Variants in CSMD1 observed in about 807,000 individuals in gnomAD.
The protein encoded by CSMD1 is CUB and sushi domain-containing protein 1.
In CSMD1, 213 loss-of-function variants were observed where a neutral mutation model predicts 417.5. That is an observed-to-expected ratio of 0.51 (90% confidence interval 0.46 to 0.57). The LOEUF (loss-of-function observed/expected upper bound fraction) is 0.57, where lower values mean the gene tolerates loss of function less well. Ranked by LOEUF, CSMD1 falls within the 20% of genes least tolerant of loss-of-function variation. The probability of loss-of-function intolerance (pLI) is 0.00; values close to 1 mark genes in which losing one functional copy is unlikely to be tolerated. For synonymous variants in CSMD1, 2,862 were observed against 1,736.8 expected, an observed-to-expected ratio of 1.65 and a Z score of -16.11; for missense variants, 6,923 against 4,529.7, an observed-to-expected ratio of 1.53 and a Z score of -15.17.
intron 6 of CSMD1, among the ~76,000 whole-genome samples, chr8:3,714,614 G>A (rs935610644): frequency 6.7e-6 from 1 of 148,872 alleles, no homozygotes; most frequent in Non-Finnish European, 1.5e-5. Flanking sequence ...GCGGGCGACT[G>A]TAGTCCCAGC....
chr8:4,438,640 G>A (rs752381425), intron 2 of CSMD1, among the ~76,000 whole-genome samples: 1 of 152,160 alleles, frequency 6.6e-6, no homozygotes, highest in African/African-American at 2.4e-5. Flanking sequence ...TTATCCCATG[G>A]AGTAGTATTT....
chr8:3,856,124 CGG>C (rs1804293065), intron 5 of CSMD1, among the ~76,000 whole-genome samples: 1 of 151,946 alleles, frequency 6.6e-6, no homozygotes, highest in African/African-American at 2.4e-5. Flanking sequence ...GTGCTGGAGA[CGG>C]GGCTTGGTGG....
At chr8:4,694,176 C>G (rs1414744680) in intron 1 of CSMD1, among the ~76,000 whole-genome samples, 1 of 152,152 alleles carries the variant, frequency 6.6e-6, no homozygotes, top group African/African-American at 2.4e-5. Flanking sequence ...TCAAAGCCTT[C>G]CTTCTGCTCT....
At chr8:4,889,748 A>G (rs1042815950) in intron 1 of CSMD1, among the ~76,000 whole-genome samples, 12 of 152,258 alleles carry the variant, frequency 7.9e-5, no homozygotes, top group Non-Finnish European at 1.3e-4. Context: ...TATTTTTGAC[A>G]CATTATATTT....
intron 15 of CSMD1, among the ~76,000 whole-genome samples, chr8:3,401,367 A>G (rs1423091718): frequency 6.6e-6 from 1 of 152,190 alleles, no homozygotes; most frequent in Non-Finnish European, 1.5e-5. Context: ...CTAACTTGCC[A>G]AATATTAATT....
At chr8:4,887,881 C>A (rs558304473) in intron 1 of CSMD1, among the ~76,000 whole-genome samples, 1 of 151,808 alleles carries the variant, frequency 6.6e-6, no homozygotes, top group Middle Eastern at 3.2e-3. Flanking sequence ...TTGCATAATG[C>A]GTTAGTTTTC....
chr8:4,455,406 C>T (rs1356295388), intron 2 of CSMD1, among the ~76,000 whole-genome samples: 1 of 152,074 alleles, frequency 6.6e-6, no homozygotes, highest in South Asian at 2.1e-4. Flanking sequence ...ACACAGCTGT[C>T]ATGTGTATCA....
At chr8:4,819,980 T>C (rs771970635) in intron 1 of CSMD1, among the ~76,000 whole-genome samples, 2 of 152,222 alleles carry the variant, frequency 1.3e-5, no homozygotes, top group East Asian at 3.8e-4. Flanking sequence ...TTATTGTAAT[T>C]GGTAAACCTA....
At chr8:4,350,847 A>C (rs750115622) in intron 3 of CSMD1, among the ~76,000 whole-genome samples, 2 of 152,170 alleles carry the variant, frequency 1.3e-5, no homozygotes, top group African/African-American at 2.4e-5. Context: ...TGGAGACACT[A>C]TCTGCCAGTG....
chr8:2,967,798 A>C (rs1585067132), intron 57 of CSMD1, among the ~76,000 whole-genome samples: 1 of 152,194 alleles, frequency 6.6e-6, no homozygotes, highest in Non-Finnish European at 1.5e-5. Context: ...AACATCCTGC[A>C]AAATTTGCTC....
chr8:3,467,213 G>C (rs1042763274), intron 12 of CSMD1, among the ~76,000 whole-genome samples: 1 of 152,190 alleles, frequency 6.6e-6, no homozygotes, highest in African/African-American at 2.4e-5. Flanking sequence ...CATAGTCAAG[G>C]ATGCAGTTTG....
At chr8:3,557,421 C>T (rs1177323202) in intron 10 of CSMD1, among the ~76,000 whole-genome samples, 1 of 152,264 alleles carries the variant, frequency 6.6e-6, no homozygotes, top group African/African-American at 2.4e-5. Context: ...ATTTGCCAAA[C>T]GCTGTGCACA....
chr8:4,539,257 T>C (rs1797260258), intron 2 of CSMD1, among the ~76,000 whole-genome samples: 1 of 152,224 alleles, frequency 6.6e-6, no homozygotes, highest in Admixed American at 6.5e-5. Context: ...TCAGCTTTCA[T>C]ATGCAGTATT....
At chr8:4,689,252 T>C (rs1281555575) in intron 1 of CSMD1, among the ~76,000 whole-genome samples, 2 of 152,180 alleles carry the variant, frequency 1.3e-5, no homozygotes, top group African/African-American at 4.8e-5. Flanking sequence ...AGCGTAACAG[T>C]ATGGAAACAA....
intron 1 of CSMD1, among the ~76,000 whole-genome samples, chr8:4,749,097 C>A (rs1170563121): frequency 6.6e-6 from 1 of 152,228 alleles, no homozygotes; most frequent in Non-Finnish European, 1.5e-5. Context: ...CCCATGCAGT[C>A]TCCACTCGCT....
chr8:4,957,745 A>C (rs564472309), intron 1 of CSMD1, among the ~76,000 whole-genome samples: 1 of 152,088 alleles, frequency 6.6e-6, no homozygotes, highest in Non-Finnish European at 1.5e-5. Flanking sequence ...CCCCTTCTCT[A>C]TAAGGACTCA....
intron 2 of CSMD1, among the ~76,000 whole-genome samples, chr8:4,447,552 G>A (rs997839493): frequency 3.9e-5 from 6 of 152,126 alleles, no homozygotes; most frequent in African/African-American, 4.8e-5. Context: ...AGATAACAGA[G>A]TAACACTACA....
intron 3 of CSMD1, among the ~76,000 whole-genome samples, chr8:4,198,192 G>A (rs555017777): frequency 1.3e-5 from 2 of 152,190 alleles, no homozygotes; most frequent in African/African-American, 2.4e-5. Context: ...ATTCCAAGCA[G>A]AGAGTCCAAG....
At chr8:4,898,011 AC>A (rs1224194701) in intron 1 of CSMD1, among the ~76,000 whole-genome samples, 6 of 152,138 alleles carry the variant, frequency 3.9e-5, no homozygotes, top group African/African-American at 7.2e-5. Flanking sequence ...TACTGGAAAA[AC>A]AGACTTCAGT....
Sources: gnomAD v4.1 joint callset for allele counts (sites outside exome capture counted in the v4.1 genomes callset) on GRCh38, gnomAD v4.1.1 for gene constraint, MANE v1.5 for transcripts, NCBI Gene and HGNC (gene_info 2026-07-23, HGNC 2026-07-21) for gene names.